Variants in CGNL1 observed in about 807,000 individuals in gnomAD.
CGNL1 encodes the protein cingulin-like protein 1.
A neutral mutation model predicts 141.2 loss-of-function variants in CGNL1; 132 were observed. That is an observed-to-expected ratio of 0.93 (90% CI 0.81 to 1.08). The LOEUF (loss-of-function observed/expected upper bound fraction) is 1.08. Ranked by LOEUF, CGNL1 falls within the 50% of genes least tolerant of loss-of-function variation. The pLI is 0.00. For synonymous variants in CGNL1, 690 were observed against 622.1 expected, an observed-to-expected ratio of 1.11 and a Z score of -1.63; for missense variants, 1,870 against 1,588.6, an observed-to-expected ratio of 1.18 and a Z score of -3.01.
rs1016676285 is a variant in CGNL1, at chr15:57,452,127, C to T, written c.1906-14C>T. Reference sequence around the variant, plus strand: ...ACAGTGGAGGCTCTTTAAAATCACACTGATTCCTGTTAGAATCAACAGAAC... The same window carrying T: ...ACAGTGGAGGCTCTTTAAAATCACATTGATTCCTGTTAGAATCAACAGAAC... On this transcript the variant is annotated splice_polypyrimidine_tract_variant and intron_variant, in intron 5 of 18. Transcript: ENST00000281282. 4 of 1,608,598 alleles carry T rather than the reference C, an allele frequency of 2.5e-6. No individual in the cohort carries two copies. Among genetic ancestry groups the T allele is most frequent in the Non-Finnish European group, 3.4e-6 (4 of 1,177,790 alleles).
At chr15:57,459,164 G>T (rs1437730357) in intron 7 of CGNL1, among the ~76,000 whole-genome samples, 1 of 152,180 alleles carries the variant, frequency 6.6e-6, no homozygotes. Flanking sequence ...AAGAAAACAG[G>T]TCGTGTTCTT....
chr15:57,399,834 T>TG (rs1402132923), intron 1 of CGNL1, among the ~76,000 whole-genome samples: 1 of 152,080 alleles, frequency 6.6e-6, no homozygotes, highest in Non-Finnish European at 1.5e-5. Context: ...CTGGGCAACA[T>TG]GGTGAGACCC....
chr15:57,506,379 G>A (rs2064103149), intron 8 of CGNL1, among the ~76,000 whole-genome samples: 2 of 152,224 alleles, frequency 1.3e-5, no homozygotes, highest in African/African-American at 4.8e-5. Context: ...CATGGTGAGG[G>A]AAGTGGTGTC....
chr15:57,482,804 G>A (rs1163081839), intron 8 of CGNL1, among the ~76,000 whole-genome samples: 9 of 147,068 alleles, frequency 6.1e-5, no homozygotes, highest in Non-Finnish European at 3.0e-5. Context: ...TTTTTTTTGA[G>A]ATGGAGTTTC....
chr15:57,418,190 T>C (rs1286816948), intron 1 of CGNL1, among the ~76,000 whole-genome samples: 1 of 152,024 alleles, frequency 6.6e-6, no homozygotes, highest in Admixed American at 6.5e-5. Context: ...AGGTGGTGCT[T>C]ATTAAGGAGT....
intron 4 of CGNL1, among the ~76,000 whole-genome samples, chr15:57,446,746 A>G (rs2063257957): frequency 6.6e-6 from 1 of 150,410 alleles, no homozygotes; most frequent in East Asian, 2.0e-4. Context: ...TGGGTTGTAA[A>G]TTAGGTGTAC....
chr15:57,544,485 A>G lies in CGNL1; in HGVS notation c.3388A>G (p.Lys1130Glu), dbSNP rs1273337358. Reference sequence around the variant, plus strand: ...TGTGTTGTTCCAGAACAAGGACTTAAAGAGCCGGATTATCCACCTGGAAGG... The same window carrying G: ...TGTGTTGTTCCAGAACAAGGACTTAGAGAGCCGGATTATCCACCTGGAAGG... ...ISLERQNKDL[K>E]SRIIHLEGSY... Residue 1130 changes from lysine to glutamate, a missense_variant, in exon 16 of 19, where the codon AAG (lysine) becomes GAG (glutamate). Physicochemically the swap from Lys to Glu is moderately conservative, Grantham distance 56 (BLOSUM62 1). Transcript: ENST00000281282. The G allele has an allele frequency of 1.1e-5, 17 of 1,614,078 alleles. No homozygotes were observed. The highest frequency in any genetic ancestry group is 1.4e-5 in the Non-Finnish European group (17 of 1,179,988).
intron 6 of CGNL1, 22 bp downstream of exon 6, chr15:57,452,311 T>C (rs1242142161): frequency 2.4e-5 from 38 of 1,605,348 alleles, no homozygotes; most frequent in Non-Finnish European, 3.2e-5. Flanking sequence ...GCTGAGAGCC[T>C]GTTGCCCTTC....
chr15:57,456,373 TG>T (rs1427207611), intron 7 of CGNL1, among the ~76,000 whole-genome samples: 9 of 152,188 alleles, frequency 5.9e-5, no homozygotes, highest in Non-Finnish European at 1.3e-4. Context: ...TGTCACTTTT[TG>T]TTAAATAACA....
chr15:57,400,887 T>TA (rs35735890), intron 1 of CGNL1, among the ~76,000 whole-genome samples: 3,102 of 77,926 alleles, frequency 0.04, 73 homozygotes, highest in African/African-American at 0.11. Context: ...TGTCTCAAAT[T>TA]AAAAAAAAAA....
intron 4 of CGNL1, among the ~76,000 whole-genome samples, chr15:57,448,446 C>G (rs1196850250): frequency 6.6e-6 from 1 of 152,008 alleles, no homozygotes; most frequent in Admixed American, 6.6e-5. Context: ...ATCGGGAGTT[C>G]CAGATCATCC....
chr15:57,504,997 C>G (rs971684950), intron 8 of CGNL1, among the ~76,000 whole-genome samples: 2 of 152,134 alleles, frequency 1.3e-5, no homozygotes, highest in Non-Finnish European at 2.9e-5. Flanking sequence ...TTACTCCATC[C>G]CTCCCACTCT....
chr15:57,468,559 CGTGTGTGTGT>C lies in CGNL1; in HGVS notation c.2403+6690_2403+6699del, dbSNP rs67758921. 8.9e-5 allele frequency among the ~76,000 whole-genome samples: 13 copies of C among 145,954 alleles called. No homozygotes were observed. In the East Asian group the frequency reaches 1.4e-3, roughly 16 times the overall value. On this transcript the variant is annotated intron_variant, in intron 8 of 18. Coordinates refer to ENST00000281282, the MANE Select transcript of CGNL1 (RefSeq NM_032866.5). The stretch of plus-strand genomic sequence containing the variant: ...GAAGTTTTCTTTGGTAAAAAGTTTG[CGTGTGTGTGT>C]GTGTGTGTGTGTGTGTGTGTGTTAA...
At chr15:57,528,481 A>G (rs180944500) in intron 12 of CGNL1, among the ~76,000 whole-genome samples, 173 bp from the exon 13 acceptor site, 10 of 152,166 alleles carry the variant, frequency 6.6e-5, no homozygotes, top group Middle Eastern at 3.4e-3. Flanking sequence ...CTTTTTACAA[A>G]AAGGAAAGTA....
chr15:57,454,971 C>T (rs1481114475), intron 7 of CGNL1, among the ~76,000 whole-genome samples: 1 of 152,156 alleles, frequency 6.6e-6, no homozygotes, highest in East Asian at 1.9e-4. Context: ...TCTATAATCT[C>T]TGTTTGCCTC....
intron 8 of CGNL1, among the ~76,000 whole-genome samples, chr15:57,489,938 A>G (rs372176680): frequency 5.3e-5 from 8 of 152,188 alleles, no homozygotes; most frequent in African/African-American, 1.9e-4. Context: ...GTTACTAGAA[A>G]AATAAAAACA....
At chr15:57,497,241 G>T (rs1410688885) in intron 8 of CGNL1, among the ~76,000 whole-genome samples, 1 of 152,176 alleles carries the variant, frequency 6.6e-6, no homozygotes, top group African/African-American at 2.4e-5. Context: ...AAGGCCTTTG[G>T]CAAGAGGGCC....
chr15:57,478,685 C>T (rs1393833900), intron 8 of CGNL1, among the ~76,000 whole-genome samples: 3 of 152,188 alleles, frequency 2.0e-5, no homozygotes, highest in African/African-American at 7.2e-5. Context: ...GTCACCCAGG[C>T]TGTAGTGCAG....
chr15:57,520,350 T>C (rs7173613), intron 10 of CGNL1, among the ~76,000 whole-genome samples: 63,291 of 152,142 alleles, frequency 0.42, 13,237 homozygotes, highest in South Asian at 0.45. Context: ...GGGACCTTAG[T>C]CCTTGAGGAA....
Sources: gnomAD v4.1 joint callset for allele counts (sites outside exome capture counted in the v4.1 genomes callset) on GRCh38, gnomAD v4.1.1 for gene constraint, MANE v1.5 for transcripts, NCBI Gene and HGNC (gene_info 2026-07-23, HGNC 2026-07-21) for gene names.